The following HACD1 variants were observed in gnomAD, a reference collection of about 807,000 sequenced individuals.
HACD1 encodes the protein 3-hydroxyacyl-CoA dehydratase 1.
Under a neutral mutation model 32.0 loss-of-function variants are expected in HACD1, and 41 were observed. The observed-to-expected ratio is 1.28, with a 90% CI of 1.00 to 1.66. The LOEUF (loss-of-function observed/expected upper bound fraction) is 1.66, where lower values mean the gene tolerates loss of function less well. Ranked by LOEUF, HACD1 falls within the 40% of genes most tolerant of loss-of-function variation. HACD1 has a pLI of 0.00. For missense variants in HACD1, 396 were observed against 380.1 expected (o/e 1.04, Z -0.35); for synonymous variants, 142 against 139.0 (o/e 1.02, Z -0.15).
rs782631658 is a variant in HACD1, at chr10:17,617,278, C to A, written c.62G>T (p.Gly21Val). 122 of 1,463,290 alleles carry A rather than the reference C, an allele frequency of 8.3e-5. 1 individual carries two copies. The South Asian group carries it at 1.5e-3, about 19-fold the overall frequency. The allele number at this position is 1,463,290 out of a possible 1,614,324, so 90.6% of individuals were successfully genotyped here. ...GSGSRAAGWA[G>V]SPPTLLPLSP... ...CAGCGGCAGGAGCGTGGGAGGGGAC[C>A]CTGCCCAGCCTGCAGCCCGAGAGCC... Residue 21 changes from glycine (G) to valine (V), a missense_variant, in exon 1 of 7, where the codon GGG (glycine) becomes GTG (valine). By Grantham distance (109) the Gly-to-Val change is moderately radical (BLOSUM62 -3). Coordinates refer to ENST00000361271, the MANE Select transcript of HACD1 (RefSeq NM_014241.4).
At chr10:17,607,087 A>T (rs1246195469) in intron 1 of HACD1, among the ~76,000 whole-genome samples, 2 of 152,152 alleles carry the variant, frequency 1.3e-5, no homozygotes, top group Admixed American at 6.6e-5. Context: ...ATATATTTTT[A>T]AAGTTATATG....
At chr10:17,610,267 C>T (rs1834214310) in intron 1 of HACD1, among the ~76,000 whole-genome samples, 1 of 152,198 alleles carries the variant, frequency 6.6e-6, no homozygotes. Context: ...TCTTACTTAA[C>T]ATTCTGGGAA....
At chr10:17,598,259 C>CG (rs375424923) in intron 5 of HACD1, among the ~76,000 whole-genome samples, 2 of 89,850 alleles carry the variant, frequency 2.2e-5, no homozygotes, top group Non-Finnish European at 4.1e-5. Flanking sequence ...GACCCTGTCT[C>CG]AAAAAAAAAA....
At position 17,614,764 on chromosome 10, in the gene HACD1, A is replaced by AT. The variant is rs1252887178; in HGVS notation, c.257+2318dup. Among the ~76,000 whole-genome samples the AT allele has an allele frequency of 1.1e-4, 16 of 145,102 alleles. No homozygotes were observed. In the East Asian group the frequency reaches 3.0e-3, roughly 28 times the overall value. On this transcript the variant is annotated intron_variant, in intron 1 of 6. Transcript: ENST00000361271. The stretch of plus-strand genomic sequence containing the variant: ...CGTTTATTTTATTTTATTTTATTTT[A>AT]TTTTTTGAGACGGAGTCTCACTCTG...
At chr10:17,594,856 T>G (rs1231103404) in intron 5 of HACD1, among the ~76,000 whole-genome samples, 9 of 150,288 alleles carry the variant, frequency 6.0e-5, no homozygotes, top group East Asian at 2.0e-4. Flanking sequence ...TGTTTTTTTT[T>G]TTTGTTTTTT....
At chr10:17,616,016 C>G (rs1284001911) in intron 1 of HACD1, 1 of 209,160 alleles carries the variant, frequency 4.8e-6, no homozygotes, top group Non-Finnish European at 1.0e-5. Context: ...CGCTTGTAAT[C>G]CCAGCACTTT....
chr10:17,604,057 A>T lies in HACD1; in HGVS notation c.258-10T>A, dbSNP rs782818976. 1.1e-5 allele frequency: 17 copies of T among 1,523,626 alleles called. No individual in the cohort carries two copies. The highest frequency in any genetic ancestry group is 1.3e-5 in the Non-Finnish European group (15 of 1,125,402). The allele number at this position is 1,523,626 out of a possible 1,614,324, so 94.4% of individuals were successfully genotyped here. A position where few individuals can be genotyped will look rare whatever the true frequency, so the allele number is the denominator to read the frequency against. On this transcript the variant is annotated splice_polypyrimidine_tract_variant and intron_variant, in intron 1 of 6. Transcript: ENST00000361271. ...AGCTAGAACCAACCACCTAAAAAAAAAAAGTATTTCATAAAGTTCTTTCGA... is the reference window on the plus strand; with the variant it reads ...AGCTAGAACCAACCACCTAAAAAAATAAAGTATTTCATAAAGTTCTTTCGA...
chr10:17,608,055 G>T (rs1554817190), intron 1 of HACD1, among the ~76,000 whole-genome samples: 1 of 152,084 alleles, frequency 6.6e-6, no homozygotes, highest in African/African-American at 2.4e-5. Context: ...CTGTCCCGCA[G>T]GCTGGAGTGA....
chr10:17,590,715 C>G (rs1367702039), intron 6 of HACD1, among the ~76,000 whole-genome samples: 1 of 152,130 alleles, frequency 6.6e-6, no homozygotes. Flanking sequence ...TCTATTGCCC[C>G]AGCTAGAGTG....
intron 1 of HACD1, among the ~76,000 whole-genome samples, chr10:17,607,631 T>A (rs1387464849): frequency 6.6e-6 from 1 of 152,160 alleles, no homozygotes; most frequent in Non-Finnish European, 1.5e-5. Flanking sequence ...TTAAACAGCA[T>A]TGTATAAAAA....
intron 4 of HACD1, among the ~76,000 whole-genome samples, chr10:17,600,636 C>A (rs1327769236): frequency 6.6e-6 from 1 of 152,010 alleles, no homozygotes; most frequent in Non-Finnish European, 1.5e-5. Flanking sequence ...CAGCACCCTT[C>A]TTCTACTGTA....
At chr10:17,604,157 A>G (rs1178703234) in intron 1 of HACD1, 110 bp from the exon 2 acceptor site, 1 of 777,950 alleles carries the variant, frequency 1.3e-6, no homozygotes, top group Non-Finnish European at 2.1e-6. Flanking sequence ...AAAGCAACCC[A>G]GGTGTCCATA....
At chr10:17,592,927 G>A (rs1258278236) in intron 6 of HACD1, among the ~76,000 whole-genome samples, 2 of 152,116 alleles carry the variant, frequency 1.3e-5, no homozygotes, top group Non-Finnish European at 2.9e-5. Flanking sequence ...ATCTGCCGGG[G>A]GCAGGGGCTC....
chr10:17,607,929 G>C (rs1156638496), intron 1 of HACD1, among the ~76,000 whole-genome samples: 1 of 152,180 alleles, frequency 6.6e-6, no homozygotes, highest in African/African-American at 2.4e-5. Context: ...TATTGAACTA[G>C]TTTTGAACTT....
chr10:17,603,801 AC>A (rs1834104591), intron 2 of HACD1, 57 bp from the exon 3 acceptor site: 1 of 1,542,708 alleles, frequency 6.5e-7, no homozygotes, highest in African/African-American at 1.4e-5. Context: ...TAAATAAACC[AC>A]TGTCAACATT....
At chr10:17,606,040 C>T (rs915747464) in intron 1 of HACD1, among the ~76,000 whole-genome samples, 5 of 150,830 alleles carry the variant, frequency 3.3e-5, no homozygotes, top group African/African-American at 7.3e-5. Context: ...AGAGGCATGG[C>T]GGCACATGCC....
intron 6 of HACD1, among the ~76,000 whole-genome samples, chr10:17,593,222 T>A (rs534643441): frequency 6.6e-6 from 1 of 152,188 alleles, no homozygotes; most frequent in African/African-American, 2.4e-5. Flanking sequence ...CCAAGTTTTA[T>A]GCGCATCTCC....
chr10:17,607,675 T>TGTTGC lies in HACD1; in HGVS notation c.258-3633_258-3629dup, dbSNP rs781965649. ...TCGTTAACATTATAACAAGTTCTACTGTTGCTCCATAGGTGGCAGTATTGT... is the reference window on the plus strand; with the variant it reads ...TCGTTAACATTATAACAAGTTCTACTGTTGCGTTGCTCCATAGGTGGCAGTATTGT... On this transcript the variant is annotated intron_variant, in intron 1 of 6. Transcript: ENST00000361271. 7.2e-5 allele frequency among the ~76,000 whole-genome samples: 11 copies of TGTTGC among 152,338 alleles called. No individual in the cohort carries two copies. The East Asian group carries it at 1.9e-3, about 27-fold the overall frequency.
At chr10:17,596,374 C>G (rs192411796) in intron 5 of HACD1, among the ~76,000 whole-genome samples, 1 of 152,248 alleles carries the variant, frequency 6.6e-6, no homozygotes, top group Admixed American at 6.5e-5. Context: ...ATCAATCTTT[C>G]CCTATTCCTC....
Sources: allele counts gnomAD v4.1 joint callset (sites outside exome capture counted in the v4.1 genomes callset), GRCh38; gene constraint gnomAD v4.1.1; transcripts MANE v1.5; gene names NCBI Gene and HGNC (gene_info 2026-07-23, HGNC 2026-07-21).